CST3: variants seen among roughly 807,000 people sequenced by gnomAD.
The protein encoded by CST3 is cystatin C.
CST3 carries 14 observed loss-of-function variants against 9.0 expected under a neutral mutation model. The observed-to-expected ratio is 1.56, with a 90% CI of 1.03 to 2.44. CST3 has a LOEUF of 2.44. Among genes scored for constraint, CST3 ranks in the 30% most tolerant of loss-of-function variants. The pLI, the probability that CST3 is intolerant of heterozygous loss-of-function variation, is 0.00. For synonymous variants in CST3, 96 were observed against 90.2 expected (o/e 1.06, Z -0.37); for missense variants, 237 against 204.3 (o/e 1.16, Z -0.98).
exon 4 of CST3, chr20:23,627,456 A>C (rs1979293518): frequency 6.6e-6 from 1 of 152,038 alleles, no homozygotes; most frequent in African/African-American, 2.4e-5. Flanking sequence ...TGGACATTTG[A>C]GGTTTTTTTT....
chr20:23,629,763 T>G (rs1600359618), downstream of CST3, among the ~76,000 whole-genome samples: 1 of 151,810 alleles, frequency 6.6e-6, no homozygotes, highest in African/African-American at 2.4e-5. Flanking sequence ...AATGTGAAGG[T>G]CAAGTGGCAA....
chr20:23,632,171 G>C (rs988343519), downstream of CST3: 4 of 152,420 alleles, frequency 2.6e-5, no homozygotes, highest in Admixed American at 6.5e-5. Flanking sequence ...CACACAGGGA[G>C]GCTGGGGAGC....
rs1979736087 is a variant in CST3, at chr20:23,637,625, T to C, written c.238A>G (p.Lys80Glu). The C allele has an allele frequency of 6.6e-7, 1 of 1,519,038 alleles. No homozygotes were observed. Among genetic ancestry groups the C allele is most frequent in the East Asian group, 2.7e-5 (1 of 37,100 alleles). 94.1% of individuals were successfully genotyped at this position (1,519,038 alleles called of 1,614,324 possible). A position where few individuals can be genotyped will look rare whatever the true frequency, so the allele number is the denominator to read the frequency against. The change falls in exon 1 of 3, where the codon AAG (lysine) becomes GAG (glutamate). Residue 80 changes from lysine to glutamate, a missense_variant. Physicochemically the swap from Lys to Glu is moderately conservative, Grantham distance 56. Coordinates refer to ENST00000376925, the MANE Select transcript of CST3 (RefSeq NM_000099.4). ...CTGCGGGGGGCGGCACGCACCTGCT[T>C]GCGGGCGCGCACCACCTGCAGCGCG... Reference protein sequence around the residue: ...SRALQVVRARKQIVAGVNYFL... With the variant: ...SRALQVVRAREQIVAGVNYFL...
chr20:23,632,975 A>G (rs1184842959), downstream of CST3, among the ~76,000 whole-genome samples: 4 of 152,184 alleles, frequency 2.6e-5, no homozygotes, highest in African/African-American at 9.7e-5. Context: ...CTGGACTAAC[A>G]ACTTGTTTTA....
chr20:23,634,190 C>CT (rs374753427), intron 2 of CST3, among the ~76,000 whole-genome samples, 191 bp from the exon 3 acceptor site: 58 of 152,252 alleles, frequency 3.8e-4, no homozygotes, highest in African/African-American at 1.4e-3. Context: ...ATCCCTCTCC[C>CT]AGGGCTCCAA....
downstream of CST3, among the ~76,000 whole-genome samples, chr20:23,631,147 C>G (rs980474934): frequency 6.6e-6 from 1 of 151,700 alleles, no homozygotes; most frequent in Non-Finnish European, 1.5e-5. Flanking sequence ...AAAATATTAC[C>G]TAAAAGATAC....
intron 1 of CST3, 143 bp downstream of exon 1, chr20:23,637,477 G>A: frequency 2.4e-6 from 2 of 838,070 alleles, no homozygotes; most frequent in Non-Finnish European, 3.4e-6. Flanking sequence ...CCAAGGGCTC[G>A]GGGGTGACAG....
downstream of CST3, among the ~76,000 whole-genome samples, chr20:23,630,947 C>T (rs1302890850): frequency 6.6e-6 from 1 of 152,062 alleles, no homozygotes; most frequent in Non-Finnish European, 1.5e-5. Context: ...TGAATACCAT[C>T]AGAAAAGCAG....
intron 1 of CST3, among the ~76,000 whole-genome samples, chr20:23,636,810 C>A (rs965767718): frequency 1.3e-5 from 2 of 152,196 alleles, no homozygotes; most frequent in Non-Finnish European, 2.9e-5. Flanking sequence ...TGAACTCATG[C>A]ACTCATGGCC....
At chr20:23,635,398 C>T in intron 1 of CST3, 31 bp from the exon 2 acceptor site, 1 of 1,580,978 alleles carries the variant, frequency 6.3e-7, no homozygotes, top group Non-Finnish European at 8.7e-7. Context: ...GAGGCAGGGA[C>T]AGCACGTTCT....
At chr20:23,630,984 C>G (rs753176851), downstream of CST3, among the ~76,000 whole-genome samples, 1 of 152,012 alleles carries the variant, frequency 6.6e-6, no homozygotes, top group African/African-American at 2.4e-5. Context: ...GCATGGTATT[C>G]TAAAATGAAA....
At chr20:23,631,998 C>T (rs1178779248), downstream of CST3, 1 of 152,268 alleles carries the variant, frequency 6.6e-6, no homozygotes, top group Admixed American at 6.5e-5. Flanking sequence ...GTCACAGTGA[C>T]CTCTGGGTCA....
Position 23,637,907 on chromosome 20 carries a change from G to A in CST3, c.-45C>T, listed in dbSNP as rs1406038412. On this transcript the variant is annotated 5_prime_UTR_variant, in exon 1 of 3. Coordinates refer to ENST00000376925, the MANE Select transcript of CST3 (RefSeq NM_000099.4). ...CGCGGGGAGTGGGGCGCAGGCGAGA[G>A]GCTGGAGCTAGATAGAGAGGACCCG... 2 of 1,379,184 alleles carry A rather than the reference G, an allele frequency of 1.5e-6. No homozygotes were observed. Among genetic ancestry groups the A allele is most frequent in the East Asian group, 3.0e-5 (1 of 33,568 alleles). The allele number at this position is 1,379,184 out of a possible 1,614,324, so 85.4% of individuals were successfully genotyped here.
chr20:23,629,672 G>A (rs1979377097), downstream of CST3, among the ~76,000 whole-genome samples: 1 of 151,766 alleles, frequency 6.6e-6, no homozygotes, highest in Non-Finnish European at 1.5e-5. Flanking sequence ...GAGAGGATGC[G>A]TGGACAGATG....
exon 4 of CST3, chr20:23,626,826 G>C (rs894482539): frequency 6.6e-6 from 1 of 152,176 alleles, no homozygotes; most frequent in Non-Finnish European, 1.5e-5. Flanking sequence ...TGAGACGATG[G>C]GGGTTGGGTG....
At position 23,637,756 on chromosome 20, in the gene CST3, A is replaced by C. The variant is rs1319226312; in HGVS notation, c.107T>G (p.Val36Gly). 2.0e-6 allele frequency: 3 copies of C among 1,535,814 alleles called. No individual in the cohort carries two copies. Among genetic ancestry groups the C allele is most frequent in the Non-Finnish European group, 2.6e-6 (3 of 1,142,210 alleles). The change falls in exon 1 of 3, where the codon GTG becomes GGG. Residue 36 changes from valine (V) to glycine (G), a missense_variant. Transcript: ENST00000376925. ...CACGCTGGCGTCCATGGGGCCTCCC[A>C]CTAGGCGCGGCGGCTTGCCGGGACT... ...GSSPGKPPRL[V>G]GGPMDASVEE...
intron 2 of CST3, among the ~76,000 whole-genome samples, chr20:23,634,642 C>T (rs777546588): frequency 3.9e-5 from 6 of 152,072 alleles, no homozygotes; most frequent in Non-Finnish European, 7.4e-5. Context: ...TCTCCCTGCC[C>T]AGCACCCAGC....
chr20:23,632,654 C>T (rs978855246), downstream of CST3, among the ~76,000 whole-genome samples: 10 of 152,316 alleles, frequency 6.6e-5, no homozygotes, highest in Middle Eastern at 3.4e-3. Context: ...CATCATTTCA[C>T]CTTCAGTGTT....
At chr20:23,633,582 C>G (rs563843469), downstream of CST3, 81 of 489,586 alleles carry the variant, frequency 1.7e-4, no homozygotes, top group African/African-American at 1.5e-3. Flanking sequence ...ACCAGCAGGA[C>G]AAGGAGGCTT....
Sources: gnomAD v4.1 joint callset for allele counts (sites outside exome capture counted in the v4.1 genomes callset) on GRCh38, gnomAD v4.1.1 for gene constraint, MANE v1.5 for transcripts, NCBI Gene and HGNC (gene_info 2026-07-23, HGNC 2026-07-21) for gene names.